ATP8A2: variants seen among roughly 807,000 people sequenced by gnomAD.
ATP8A2 encodes the protein phospholipid-transporting ATPase IB.
ATP8A2 carries 100 observed loss-of-function variants against 165.6 expected under a neutral mutation model. That is an observed-to-expected ratio of 0.60 (90% CI 0.51 to 0.71). ATP8A2 has a LOEUF of 0.71. ATP8A2 is among the 30% of genes least tolerant of loss of function. ATP8A2 has a pLI of 0.00. For synonymous variants in ATP8A2, 543 were observed against 548.8 expected, an observed-to-expected ratio of 0.99 and a Z score of 0.15; for missense variants, 1,227 against 1,479.5, an observed-to-expected ratio of 0.83 and a Z score of 2.80.
chr13:25,699,144 T>C, intron 24 of ATP8A2, 29 bp from the exon 25 acceptor site: 1 of 1,471,508 alleles, frequency 6.8e-7, no homozygotes, highest in Non-Finnish European at 9.0e-7. Context: ...ACACAAAAAA[T>C]GTGATTTTCC....
In ATP8A2 at chr13:25,419,061, A is replaced by G. The variant is rs370273974; in HGVS notation, c.76+46773A>G. Among the ~76,000 whole-genome samples, 39 of 152,158 alleles carry G rather than the reference A, an allele frequency of 2.6e-4. 4 individuals carry two copies. In the South Asian group the frequency reaches 5.8e-3, roughly 23 times the overall value. On this transcript the variant is annotated intron_variant, in intron 1 of 36. Transcript: ENST00000381655. Reference sequence around the variant, plus strand: ...TAGAACCAGGGCCATGTGTGTGCATATGTGTGTGTGTCTGCGTGCATGTGT... The same window carrying G: ...TAGAACCAGGGCCATGTGTGTGCATGTGTGTGTGTGTCTGCGTGCATGTGT...
At chr13:25,558,872 G>A (rs369468776) in intron 13 of ATP8A2, 101 bp from the exon 14 acceptor site, 18 of 758,012 alleles carry the variant, frequency 2.4e-5, no homozygotes, top group African/African-American at 1.3e-4. Context: ...AAATCTACCC[G>A]TTTCATACAG....
intron 35 of ATP8A2, among the ~76,000 whole-genome samples, chr13:25,993,322 C>G (rs1252304041): frequency 6.6e-6 from 1 of 152,120 alleles, no homozygotes; most frequent in Non-Finnish European, 1.5e-5. Context: ...TGGAAGCATT[C>G]CCTTTGAAAA....
intron 24 of ATP8A2, among the ~76,000 whole-genome samples, chr13:25,680,439 T>G (rs763402822): frequency 6.6e-6 from 1 of 152,144 alleles, no homozygotes; most frequent in African/African-American, 2.4e-5. Flanking sequence ...CTACCTTGAA[T>G]TCAGATTTCT....
chr13:25,978,634 T>C (rs1956112632), intron 35 of ATP8A2, among the ~76,000 whole-genome samples: 1 of 152,096 alleles, frequency 6.6e-6, no homozygotes, highest in Non-Finnish European at 1.5e-5. Flanking sequence ...CCTGGACTGT[T>C]ACAGGCAAAA....
chr13:25,492,085 C>T (rs535803513), intron 2 of ATP8A2, among the ~76,000 whole-genome samples: 2 of 152,242 alleles, frequency 1.3e-5, no homozygotes, highest in South Asian at 2.1e-4. Flanking sequence ...GAGACGGAGT[C>T]TCACTCTGTT....
At chr13:25,531,281 T>TATATATGATATATATGA (rs2038057031) in intron 4 of ATP8A2, among the ~76,000 whole-genome samples, 4 of 27,578 alleles carry the variant, frequency 1.5e-4, no homozygotes, top group African/African-American at 2.7e-4. Flanking sequence ...GATATATATG[T>TATATATGATATATATGA]TATATATGAT....
chr13:25,793,568 A>T (rs1413260416), intron 27 of ATP8A2, among the ~76,000 whole-genome samples: 1 of 152,208 alleles, frequency 6.6e-6, no homozygotes, highest in East Asian at 1.9e-4. Context: ...AGAAGTACAT[A>T]TGTGTGCACA....
At position 25,515,956 on chromosome 13, in the gene ATP8A2, C is replaced by T. The variant is rs2037454911; in HGVS notation, c.222-14043C>T. Among the ~76,000 whole-genome samples the T allele has an allele frequency of 2.0e-5, 3 of 152,252 alleles. No individual in the cohort carries two copies. In the South Asian group the frequency reaches 6.2e-4, roughly 32 times the overall value. ...ATACGCATGATAAACAAAGAAATGTCAGTTAGAATTAAACACTTGAATAAA... is the reference window on the plus strand; with the variant it reads ...ATACGCATGATAAACAAAGAAATGTTAGTTAGAATTAAACACTTGAATAAA... On this transcript the variant is annotated intron_variant, in intron 2 of 36. Coordinates refer to ENST00000381655, the MANE Select transcript of ATP8A2 (RefSeq NM_016529.6).
At chr13:25,977,582 A>G (rs1444732624) in intron 35 of ATP8A2, among the ~76,000 whole-genome samples, 3 of 152,232 alleles carry the variant, frequency 2.0e-5, no homozygotes, top group South Asian at 4.1e-4. Flanking sequence ...TGTGTCAACT[A>G]AAAATAATTG....
At chr13:25,946,929 G>T (rs562350819) in intron 33 of ATP8A2, among the ~76,000 whole-genome samples, 79 of 152,214 alleles carry the variant, frequency 5.2e-4, no homozygotes, top group African/African-American at 1.7e-3. Flanking sequence ...TGTATTTTTA[G>T]TAGAGACGGG....
At chr13:25,858,911 T>TACC (rs1952250384) in intron 30 of ATP8A2, among the ~76,000 whole-genome samples, 2 of 152,060 alleles carry the variant, frequency 1.3e-5, no homozygotes. Flanking sequence ...CTTGAAAAAC[T>TACC]ACCCATTGGG....
rs537309859 is a variant in ATP8A2, at chr13:25,525,480, G to T, written c.222-4519G>T. ...TGAAGAAGCTCCTTTAGTATTTCTT[G>T]TAAGATGGATCTGGTGATGGTAAAT... is the stretch of plus-strand genomic sequence containing the variant. On this transcript the variant is annotated intron_variant, in intron 2 of 36. Coordinates refer to ENST00000381655, the MANE Select transcript of ATP8A2 (RefSeq NM_016529.6). 1.5e-3 allele frequency among the ~76,000 whole-genome samples: 222 copies of T among 152,276 alleles called. 1 individual carries two copies. The highest frequency in any genetic ancestry group is 5.1e-3 in the African/African-American group (211 of 41,570).
At chr13:25,862,815 G>T (rs1354912142) in intron 33 of ATP8A2, among the ~76,000 whole-genome samples, 5 of 152,118 alleles carry the variant, frequency 3.3e-5, no homozygotes, top group African/African-American at 9.7e-5. Context: ...GTTATACTCT[G>T]CTGGGTCACC....
chr13:25,434,414 T>C (rs1020007099), intron 1 of ATP8A2, among the ~76,000 whole-genome samples: 2 of 152,160 alleles, frequency 1.3e-5, no homozygotes, highest in Non-Finnish European at 2.9e-5. Context: ...AAAGGCGTTA[T>C]CTTGGCTCAC....
chr13:25,589,394 A>G (rs922085400), intron 23 of ATP8A2, among the ~76,000 whole-genome samples: 2 of 152,238 alleles, frequency 1.3e-5, no homozygotes, highest in African/African-American at 4.8e-5. Context: ...AGAGATAAAG[A>G]AAAATCCACT....
chr13:25,600,057 A>T (rs1414799852), intron 24 of ATP8A2, among the ~76,000 whole-genome samples: 2 of 152,154 alleles, frequency 1.3e-5, no homozygotes, highest in East Asian at 3.9e-4. Flanking sequence ...AGAATTGTTA[A>T]TTAAGTTATG....
chr13:25,878,525 G>A (rs1324137274), intron 33 of ATP8A2, among the ~76,000 whole-genome samples: 1 of 126,388 alleles, frequency 7.9e-6, no homozygotes, highest in Non-Finnish European at 1.7e-5. Context: ...GGTCGTACCT[G>A]TCACCATCTT....
chr13:25,506,650 C>T (rs749412382), intron 2 of ATP8A2, among the ~76,000 whole-genome samples: 14 of 152,174 alleles, frequency 9.2e-5, no homozygotes, highest in South Asian at 6.2e-4. Context: ...TGTTTCTCCT[C>T]GTGTGGAACA....
Sources: gnomAD v4.1 joint callset for allele counts (sites outside exome capture counted in the v4.1 genomes callset) on GRCh38, gnomAD v4.1.1 for gene constraint, MANE v1.5 for transcripts, NCBI Gene and HGNC (gene_info 2026-07-23, HGNC 2026-07-21) for gene names.